Variants in PAPSS2 observed in about 807,000 individuals in gnomAD.
PAPSS2 encodes the protein 3'-phosphoadenosine 5'-phosphosulfate synthase 2.
A neutral mutation model predicts 66.5 loss-of-function variants in PAPSS2; 61 were observed. The observed-to-expected ratio is 0.92, with a 90% CI of 0.75 to 1.14. The LOEUF (loss-of-function observed/expected upper bound fraction) is 1.14. Among genes scored for constraint, PAPSS2 ranks in the 50% most tolerant of loss-of-function variants. The pLI is 0.00. For synonymous variants in PAPSS2, 289 were observed against 287.5 expected, an observed-to-expected ratio of 1.01 and a Z score of -0.05; for missense variants, 708 against 789.6, an observed-to-expected ratio of 0.90 and a Z score of 1.24.
rs202014762 is a variant in PAPSS2, at chr10:87,746,114, A to AT, written c.*144_*145insT. ...TAAAAGTTGTGTCTATAATTAAAAA[A>AT]AAATATATATATATACACACACACA... On this transcript the variant is annotated 3_prime_UTR_variant, in exon 13 of 13. Transcript: ENST00000456849. 2.4e-3 allele frequency: 1,522 copies of AT among 622,712 alleles called. 19 individuals are homozygous for AT. The highest frequency in any genetic ancestry group is 0.024 in the African/African-American group (1,264 of 52,938). 38.6% of individuals were successfully genotyped at this position (622,712 alleles called of 1,614,324 possible). A position where few individuals can be genotyped will look rare whatever the true frequency, so the allele number is the denominator to read the frequency against.
intron 1 of PAPSS2, among the ~76,000 whole-genome samples, chr10:87,667,922 T>C (rs534358315): frequency 6.6e-6 from 1 of 152,360 alleles, no homozygotes; most frequent in South Asian, 2.1e-4. Context: ...TTATGAAAAG[T>C]ATTGATTTTT....
chr10:87,688,563 C>T (rs1209936200), intron 1 of PAPSS2, among the ~76,000 whole-genome samples: 5 of 151,728 alleles, frequency 3.3e-5, no homozygotes, highest in Admixed American at 3.3e-4. Flanking sequence ...GGGTTCATGC[C>T]GTTCTCCTGC....
At chr10:87,696,608 T>C (rs887752350) in intron 1 of PAPSS2, among the ~76,000 whole-genome samples, 1 of 152,236 alleles carries the variant, frequency 6.6e-6, no homozygotes, top group African/African-American at 2.4e-5. Flanking sequence ...TTTCTGTTTT[T>C]TCTGCTTTAT....
intron 1 of PAPSS2, among the ~76,000 whole-genome samples, chr10:87,668,076 C>A (rs114539386): frequency 0.015 from 2,293 of 152,242 alleles, 27 homozygotes; most frequent in African/African-American, 0.038. Context: ...TCCCTATAAA[C>A]TTTATTCTTC....
intron 12 of PAPSS2, 120 bp downstream of exon 12, chr10:87,745,351 C>T: frequency 1.3e-6 from 1 of 780,700 alleles, no homozygotes; most frequent in Non-Finnish European, 2.2e-6. Context: ...TGGACTGAGT[C>T]CCTTGAGAGT....
intron 1 of PAPSS2, among the ~76,000 whole-genome samples, chr10:87,665,824 G>A (rs975486554): frequency 4.6e-5 from 7 of 152,100 alleles, no homozygotes; most frequent in African/African-American, 1.7e-4. Context: ...ATCAGTTCAT[G>A]TATGCTCCTC....
At chr10:87,720,643 A>G (rs757720435) in intron 7 of PAPSS2, among the ~76,000 whole-genome samples, 2 of 152,112 alleles carry the variant, frequency 1.3e-5, no homozygotes, top group African/African-American at 4.8e-5. Flanking sequence ...TATTCTGACC[A>G]TGTCTCCTAA....
intron 1 of PAPSS2, among the ~76,000 whole-genome samples, chr10:87,681,614 T>A (rs1314622783): frequency 6.6e-6 from 1 of 152,202 alleles, no homozygotes; most frequent in Non-Finnish European, 1.5e-5. Context: ...CTAGAAAATT[T>A]ACAGAGTTGT....
intron 1 of PAPSS2, among the ~76,000 whole-genome samples, chr10:87,701,924 G>T (rs895672328): frequency 1.1e-4 from 16 of 152,180 alleles, no homozygotes; most frequent in Non-Finnish European, 1.9e-4. Flanking sequence ...TTAGAAGTGG[G>T]TATATCGTGG....
At position 87,727,475 on chromosome 10, in the gene PAPSS2, C is replaced by T. The variant is rs1853674854; in HGVS notation, c.1072C>T (p.His358Tyr). 6.2e-7 allele frequency: 1 copy of T among 1,612,370 alleles called. No homozygotes were observed. The highest frequency in any genetic ancestry group is 8.5e-7 in the Non-Finnish European group (1 of 1,179,046). ...SRVWGTTCTK[H>Y]PHIKMVMESG... ...TGTTTGGGGGACAACATGTACAAAA[C>T]ACCCCCATATCAAAGTAAGTCACAA... The change falls in exon 9 of 13, where the codon CAC becomes TAC. Residue 358 changes from histidine to tyrosine, a missense_variant. Transcript: ENST00000456849.
chr10:87,721,376 G>A (rs1297175050), intron 7 of PAPSS2, among the ~76,000 whole-genome samples: 1 of 152,140 alleles, frequency 6.6e-6, no homozygotes, highest in Non-Finnish European at 1.5e-5. Flanking sequence ...CTATTCTACA[G>A]TGGTTGTGAG....
intron 9 of PAPSS2, among the ~76,000 whole-genome samples, chr10:87,737,223 T>C (rs982261135): frequency 2.0e-5 from 3 of 152,178 alleles, no homozygotes; most frequent in Non-Finnish European, 4.4e-5. Flanking sequence ...TGGGACACTA[T>C]GAAGATGGTT....
intron 1 of PAPSS2, among the ~76,000 whole-genome samples, chr10:87,664,761 T>G (rs1317948033): frequency 1.3e-5 from 2 of 152,214 alleles, no homozygotes; most frequent in Non-Finnish European, 2.9e-5. Context: ...GGGCACTCAT[T>G]AGTCTTTGTG....
chr10:87,733,992 C>G (rs1484250056), intron 9 of PAPSS2, among the ~76,000 whole-genome samples: 1 of 152,158 alleles, frequency 6.6e-6, no homozygotes, highest in Non-Finnish European at 1.5e-5. Context: ...TCAGTTATTG[C>G]TTGAATTCAT....
At chr10:87,740,425 A>G (rs747073670) in intron 9 of PAPSS2, among the ~76,000 whole-genome samples, 11 of 152,230 alleles carry the variant, frequency 7.2e-5, no homozygotes, top group Non-Finnish European at 1.3e-4. Context: ...CAATATTGCA[A>G]AATCATTCAT....
intron 8 of PAPSS2, among the ~76,000 whole-genome samples, chr10:87,725,722 A>T (rs1199375888): frequency 2.0e-5 from 3 of 151,892 alleles, no homozygotes; most frequent in Admixed American, 6.6e-5. Flanking sequence ...TTGAGACAGG[A>T]TCTTGCTCTA....
rs780492705 is a variant in PAPSS2, at chr10:87,743,458, G to C, written c.1308G>C (p.Glu436Asp). The C allele has an allele frequency of 3.1e-6, 5 of 1,614,130 alleles. No homozygotes were observed. The South Asian group carries it at 5.5e-5, about 18-fold the overall frequency. Residue 436 changes from glutamate to aspartate, a missense_variant, in exon 11 of 13, where the codon GAG (glutamate) becomes GAC (aspartate). Transcript: ENST00000456849. ...LMQDTRRRLLERGYKHPVLLL... is the reference protein window; with the variant it reads ...LMQDTRRRLLDRGYKHPVLLL... ...AGGACACTCGCCGCAGGCTCCTAGA[G>C]AGGGGCTACAAGCACCCGGTCCTCC...
At chr10:87,679,696 T>G (rs77826510) in intron 1 of PAPSS2, among the ~76,000 whole-genome samples, 4,295 of 152,194 alleles carry the variant, frequency 0.028, 211 homozygotes, top group African/African-American at 0.098. Flanking sequence ...AGGACTGTTT[T>G]CCAAAATATA....
At chr10:87,745,315 C>T in intron 12 of PAPSS2, 84 bp downstream of exon 12, 2 of 1,060,168 alleles carry the variant, frequency 1.9e-6, no homozygotes, top group Non-Finnish European at 2.9e-6. Context: ...GAAAAACTCT[C>T]CAGTGCATTG....
Sources: allele counts gnomAD v4.1 joint callset (sites outside exome capture counted in the v4.1 genomes callset), GRCh38; gene constraint gnomAD v4.1.1; transcripts MANE v1.5; gene names NCBI Gene and HGNC (gene_info 2026-07-23, HGNC 2026-07-21).